The following PLEKHM1 variants were observed in gnomAD, a reference collection of about 807,000 sequenced individuals.
PLEKHM1 encodes pleckstrin homology and RUN domain containing M1.
Under a neutral mutation model 94.3 loss-of-function variants are expected in PLEKHM1, and 28 were observed. The ratio of observed to expected loss-of-function variants is 0.30; its 90% CI spans 0.22 to 0.41. The LOEUF is 0.41. Among genes scored for constraint, PLEKHM1 ranks in the 10% least tolerant of loss-of-function variants. The pLI, the probability that PLEKHM1 is intolerant of heterozygous loss-of-function variation, is 1.00. For synonymous variants in PLEKHM1, 424 were observed against 581.2 expected (o/e 0.73, Z 3.89); for missense variants, 907 against 1,358.6 (o/e 0.67, Z 5.22).
chr17:45,486,071 G>T (rs1377015126), intron 1 of PLEKHM1, among the ~76,000 whole-genome samples: 2 of 145,974 alleles, frequency 1.4e-5, no homozygotes, highest in Non-Finnish European at 3.0e-5. Context: ...AAAAAAATTA[G>T]CCGGGTGCAG....
At chr17:45,452,958 A>G (rs2050815852) in intron 7 of PLEKHM1, 1 of 352,884 alleles carries the variant, frequency 2.8e-6, no homozygotes, top group South Asian at 2.8e-5. Context: ...CCATTTTTAT[A>G]ATTAAAAAAA....
At chr17:45,474,650 T>C (rs1474584993) in intron 4 of PLEKHM1, among the ~76,000 whole-genome samples, 1 of 152,236 alleles carries the variant, frequency 6.6e-6, no homozygotes, top group Non-Finnish European at 1.5e-5. Context: ...AGACTAAGTA[T>C]CTTGTTTTTT....
At chr17:45,473,445 G>C (rs1305583262) in intron 4 of PLEKHM1, among the ~76,000 whole-genome samples, 1 of 152,012 alleles carries the variant, frequency 6.6e-6, no homozygotes, top group East Asian at 1.9e-4. Flanking sequence ...AAAAATAAAA[G>C]AATGAAGAAG....
chr17:45,481,171 G>A (rs2051940287), intron 2 of PLEKHM1, among the ~76,000 whole-genome samples: 1 of 152,090 alleles, frequency 6.6e-6, no homozygotes, highest in Non-Finnish European at 1.5e-5. Flanking sequence ...ATGATAATGA[G>A]CATCTTTATT....
At chr17:45,439,931 C>T in intron 10 of PLEKHM1, 1 of 634,880 alleles carries the variant, frequency 1.6e-6, no homozygotes, top group Non-Finnish European at 2.8e-6. Context: ...AAACTCTCTT[C>T]CCTGTGATCC....
chr17:45,489,704 AGTCTGTAACTGCGG>A (rs2052246746), intron 1 of PLEKHM1, among the ~76,000 whole-genome samples: 1 of 152,090 alleles, frequency 6.6e-6, no homozygotes, highest in Non-Finnish European at 1.5e-5. Context: ...CATGCTGCTC[AGTCTGTAACTGCGG>A]GTCTGAGTGA....
chr17:45,439,406 CG>C, intron 11 of PLEKHM1, 70 bp downstream of exon 11: 2 of 1,543,800 alleles, frequency 1.3e-6, no homozygotes, highest in Non-Finnish European at 1.8e-6. Context: ...TGCTGCCCTG[CG>C]TGCTTGGGCC....
downstream of PLEKHM1, among the ~76,000 whole-genome samples, chr17:45,435,310 G>A (rs1345417528): frequency 6.6e-6 from 1 of 152,208 alleles, no homozygotes; most frequent in South Asian, 2.1e-4. Context: ...TGAGAATTAA[G>A]TCTGTTTCCT....
chr17:45,439,683 G>C, intron 10 of PLEKHM1, 49 bp from the exon 11 acceptor site: 1 of 1,609,894 alleles, frequency 6.2e-7, no homozygotes, highest in Non-Finnish European at 8.5e-7. Flanking sequence ...TGCGATCTGC[G>C]GAGGGCTGGT....
chr17:45,471,031 A>G (rs1597979972), intron 4 of PLEKHM1, among the ~76,000 whole-genome samples: 2 of 152,088 alleles, frequency 1.3e-5, no homozygotes, highest in East Asian at 1.9e-4. Flanking sequence ...ATGGGGGGAA[A>G]TATTTTTAAA....
Position 45,475,530 on chromosome 17 carries a change from G to T in PLEKHM1, c.493C>A (p.Leu165Ile). ...LRDAEEGEFL[L>I]SFLQGLTSLS... Reference sequence around the variant, plus strand: ...GACGTGAGGCCCTGCAGGAAGCTAAGGAGGAACTCGCCCTCCTCAGCATCC... The same window carrying T: ...GACGTGAGGCCCTGCAGGAAGCTAATGAGGAACTCGCCCTCCTCAGCATCC... The change falls in exon 4 of 12, where the codon CTT becomes ATT. Residue 165 changes from leucine to isoleucine, a missense_variant. Leu to Ile is a conservative substitution (Grantham distance 5). Transcript: ENST00000430334. 1 of 1,611,704 alleles carries T rather than the reference G, an allele frequency of 6.2e-7. No homozygotes were observed. The highest frequency in any genetic ancestry group is 8.5e-7 in the Non-Finnish European group (1 of 1,177,872).
rs755944827 is a variant in PLEKHM1 at position 45,453,486 on chromosome 17, A to G, written c.2366T>C (p.Leu789Pro). 16 of 1,608,266 alleles carry G rather than the reference A, an allele frequency of 9.9e-6. No homozygotes were observed. Among genetic ancestry groups the G allele is most frequent in the African/African-American group, 1.3e-5 (1 of 74,648 alleles). Residue 789 changes from leucine to proline, a missense_variant, in exon 7 of 12, where the codon CTG becomes CCG. Coordinates refer to ENST00000430334, the MANE Select transcript of PLEKHM1 (RefSeq NM_014798.3). The surrounding 1 kb of genome is among the most constrained non-coding windows in gnomAD (Gnocchi z 4.1). ...YLETAEEAVTLGGSLDENCQE... is the reference protein window; with the variant it reads ...YLETAEEAVTPGGSLDENCQE... ...ACAGTTTTCATCCAGGCTCCCGCCC[A>G]GGGTCACCGCCTCCTCGGCTGTCTC...
intron 1 of PLEKHM1, among the ~76,000 whole-genome samples, chr17:45,483,637 G>C (rs540235822): frequency 1.6e-4 from 25 of 152,206 alleles, no homozygotes; most frequent in Non-Finnish European, 3.2e-4. Flanking sequence ...ACCGCACAAA[G>C]AAGTTAACAA....
chr17:45,483,630 G>A (rs1461056795), intron 1 of PLEKHM1, among the ~76,000 whole-genome samples: 1 of 152,176 alleles, frequency 6.6e-6, no homozygotes, highest in Non-Finnish European at 1.5e-5. Context: ...CTCAATCACC[G>A]CACAAAGAAG....
chr17:45,485,783 A>C (rs1278899473), intron 1 of PLEKHM1, among the ~76,000 whole-genome samples: 1 of 151,612 alleles, frequency 6.6e-6, no homozygotes, highest in Admixed American at 6.6e-5. Flanking sequence ...CATGCCTGTA[A>C]TACCAGCTAC....
At chr17:45,454,800 C>A in intron 6 of PLEKHM1, 1 of 208,766 alleles carries the variant, frequency 4.8e-6, no homozygotes, top group Non-Finnish European at 9.8e-6. Flanking sequence ...TTTCTCAGGC[C>A]CCTTTACAGA....
At chr17:45,469,901 C>T (rs1401269439) in intron 4 of PLEKHM1, among the ~76,000 whole-genome samples, 1 of 151,998 alleles carries the variant, frequency 6.6e-6, no homozygotes, top group Non-Finnish European at 1.5e-5. Context: ...GGTAAAACCC[C>T]GTCTCTACTA....
chr17:45,436,712 C>T lies in PLEKHM1; in HGVS notation c.*1146G>A. ...TCAAAGGCAGTCCTGCTCCGGGGAA[C>T]TTCTTCAGTCTCCAGTGTCCCGGCT... On this transcript the variant is annotated 3_prime_UTR_variant, in exon 12 of 12. Coordinates refer to ENST00000430334, the MANE Select transcript of PLEKHM1 (RefSeq NM_014798.3). 4.4e-6 allele frequency: 2 copies of T among 454,164 alleles called. No homozygotes were observed. Among genetic ancestry groups the T allele is most frequent in the South Asian group, 3.1e-5 (2 of 64,482 alleles). 28.1% of individuals were successfully genotyped at this position (454,164 alleles called of 1,614,324 possible).
intron 4 of PLEKHM1, among the ~76,000 whole-genome samples, chr17:45,468,813 T>G (rs2051407282): frequency 6.6e-6 from 1 of 152,118 alleles, no homozygotes; most frequent in Admixed American, 6.6e-5. Context: ...ACAGGTGATT[T>G]GTGGAGCCTG....
Sources: gnomAD v4.1 joint callset for allele counts (sites outside exome capture counted in the v4.1 genomes callset) on GRCh38, gnomAD v4.1.1 for gene constraint, Gnocchi (gnomAD v3.1) non-coding constraint, MANE v1.5 for transcripts, NCBI Gene and HGNC (gene_info 2026-07-23, HGNC 2026-07-21) for gene names.